MYO3B: variants seen among roughly 807,000 people sequenced by gnomAD.
MYO3B encodes the protein myosin-IIIb.
In MYO3B, 156 loss-of-function variants were observed where a neutral mutation model predicts 174.6. That is an observed-to-expected ratio of 0.89 (90% CI 0.78 to 1.02). The LOEUF is 1.02. Ranked by LOEUF, MYO3B falls within the 50% of genes least tolerant of loss-of-function variation. The pLI is 0.00. For synonymous variants in MYO3B, 563 were observed against 569.1 expected, an observed-to-expected ratio of 0.99 and a Z score of 0.15; for missense variants, 1,632 against 1,639.4, an observed-to-expected ratio of 1.00 and a Z score of 0.08.
chr2:170,487,349 G>T (rs1173255141), intron 25 of MYO3B, among the ~76,000 whole-genome samples: 6 of 152,036 alleles, frequency 3.9e-5, no homozygotes, highest in African/African-American at 1.4e-4. Context: ...GTTTATGTTT[G>T]TCTTCCCTAC....
At chr2:170,632,442 C>T (rs1161930924) in intron 32 of MYO3B, among the ~76,000 whole-genome samples, 1 of 151,992 alleles carries the variant, frequency 6.6e-6, no homozygotes, top group Non-Finnish European at 1.5e-5. Flanking sequence ...AGAACAAAGA[C>T]ACAACATACC....
intron 32 of MYO3B, among the ~76,000 whole-genome samples, chr2:170,625,888 T>A (rs886558393): frequency 1.3e-5 from 2 of 152,332 alleles, no homozygotes; most frequent in Admixed American, 1.3e-4. Context: ...TAATCCTGAG[T>A]TCTAGTTTGA....
chr2:170,556,566 AG>A (rs1386229113), intron 32 of MYO3B, among the ~76,000 whole-genome samples: 1 of 151,874 alleles, frequency 6.6e-6, no homozygotes, highest in Admixed American at 6.6e-5. Flanking sequence ...TTGTTGCCCA[AG>A]CTGGAGTACA....
At chr2:170,376,136 C>A (rs928056042) in intron 9 of MYO3B, among the ~76,000 whole-genome samples, 1 of 152,046 alleles carries the variant, frequency 6.6e-6, no homozygotes, top group African/African-American at 2.4e-5. Context: ...CCAAACAATT[C>A]TCCTATTTTA....
intron 28 of MYO3B, among the ~76,000 whole-genome samples, chr2:170,503,649 G>T (rs10198481): frequency 0.74 from 95,648 of 129,156 alleles, 32,858 homozygotes; most frequent in South Asian, 0.91. Flanking sequence ...TAAGGGTGCC[G>T]TCCTTTTTTT....
At chr2:170,536,351 TTGTG>T (rs1163729730) in intron 30 of MYO3B, among the ~76,000 whole-genome samples, 4 of 152,334 alleles carry the variant, frequency 2.6e-5, no homozygotes, top group African/African-American at 9.6e-5. Flanking sequence ...CTTAAAATAA[TTGTG>T]TGCTTTAGAG....
Position 170,252,985 on chromosome 2 carries a change from T to G in MYO3B, c.749+16849T>G, listed in dbSNP as rs745849684. ...AGCTGGGGACAGATCATGTAGTGCC[T>G]TATGAGTTATTGTAGTGATTTTGAA... On this transcript the variant is annotated intron_variant, in intron 7 of 34. Coordinates refer to ENST00000408978, the MANE Select transcript of MYO3B (RefSeq NM_138995.5). Among the ~76,000 whole-genome samples the G allele has an allele frequency of 2.6e-5, 4 of 152,296 alleles. No individual in the cohort carries two copies. In the East Asian group the frequency reaches 7.7e-4, roughly 29 times the overall value.
chr2:170,397,871 A>G (rs2094450083), intron 16 of MYO3B, among the ~76,000 whole-genome samples: 1 of 152,202 alleles, frequency 6.6e-6, no homozygotes, highest in South Asian at 2.1e-4. Flanking sequence ...ATAATTTGCT[A>G]GAATAGTTTC....
At chr2:170,196,629 AT>A (rs1421623633) in intron 1 of MYO3B, among the ~76,000 whole-genome samples, 2 of 152,062 alleles carry the variant, frequency 1.3e-5, no homozygotes, top group Non-Finnish European at 2.9e-5. Flanking sequence ...TTCTCTGTCC[AT>A]TTTTCTCTAA....
At chr2:170,260,043 G>A (rs978480628) in intron 7 of MYO3B, among the ~76,000 whole-genome samples, 1 of 151,978 alleles carries the variant, frequency 6.6e-6, no homozygotes, top group Non-Finnish European at 1.5e-5. Flanking sequence ...TAGTCAGAAT[G>A]GCTATTATTA....
Position 170,637,171 on chromosome 2 carries a change from G to GT in MYO3B, c.3734-14438dup, listed in dbSNP as rs33947498. On this transcript the variant is annotated intron_variant, in intron 32 of 34. Transcript: ENST00000408978. ...TCAGGTAGGTCACTCAGAGTGTAGG[G>GT]TTTTTTTTTTTTTTTTTTTAGATGG... Among the ~76,000 whole-genome samples the GT allele has an allele frequency of 9.7e-4, 121 of 125,264 alleles. 2 individuals are homozygous for GT. The East Asian group carries it at 0.013, about 14-fold the overall frequency. 82.2% of individuals were successfully genotyped at this position (125,264 alleles called of 152,430 possible). A position where few individuals can be genotyped will look rare whatever the true frequency, so the allele number is the denominator to read the frequency against.
chr2:170,549,666 T>A (rs886608664), intron 32 of MYO3B, among the ~76,000 whole-genome samples: 1 of 152,220 alleles, frequency 6.6e-6, no homozygotes, highest in Non-Finnish European at 1.5e-5. Flanking sequence ...ATCTCAACTT[T>A]CCTGTGACAG....
At chr2:170,439,765 C>T (rs1559002426) in intron 22 of MYO3B, among the ~76,000 whole-genome samples, 1 of 152,174 alleles carries the variant, frequency 6.6e-6, no homozygotes, top group Non-Finnish European at 1.5e-5. Context: ...ACTGCAAGCT[C>T]CACCTCCCAG....
chr2:170,467,366 T>A (rs913583776), intron 25 of MYO3B, among the ~76,000 whole-genome samples: 21 of 152,310 alleles, frequency 1.4e-4, no homozygotes, highest in Non-Finnish European at 2.2e-4. Flanking sequence ...TTCAGTGCAT[T>A]CAATCAATAT....
intron 23 of MYO3B, among the ~76,000 whole-genome samples, chr2:170,455,107 G>C (rs1575006032): frequency 6.6e-6 from 1 of 152,298 alleles, no homozygotes; most frequent in East Asian, 1.9e-4. Context: ...GAAAAATTTA[G>C]AATCTTGCAG....
intron 32 of MYO3B, among the ~76,000 whole-genome samples, chr2:170,589,139 A>G (rs1338472980): frequency 6.6e-6 from 1 of 152,198 alleles, no homozygotes; most frequent in Admixed American, 6.5e-5. Flanking sequence ...ATCCCCAAGA[A>G]AATTCAGGGT....
chr2:170,280,898 G>C (rs1333330520), intron 7 of MYO3B, among the ~76,000 whole-genome samples: 1 of 152,120 alleles, frequency 6.6e-6, no homozygotes, highest in Non-Finnish European at 1.5e-5. Flanking sequence ...ATAGTTTAAA[G>C]TTTAGTAATA....
At chr2:170,526,456 C>T (rs1294759629) in intron 30 of MYO3B, among the ~76,000 whole-genome samples, 5 of 152,172 alleles carry the variant, frequency 3.3e-5, no homozygotes, top group Admixed American at 3.3e-4. Context: ...TTGAGGTTTC[C>T]ATCACCTTAG....
chr2:170,559,209 G>A (rs901037670), intron 32 of MYO3B, among the ~76,000 whole-genome samples: 8 of 152,174 alleles, frequency 5.3e-5, no homozygotes, highest in Non-Finnish European at 7.3e-5. Flanking sequence ...AGAGTCAGTA[G>A]TACCTCTGGA....
Sources: allele counts gnomAD v4.1 joint callset (sites outside exome capture counted in the v4.1 genomes callset), GRCh38; gene constraint gnomAD v4.1.1; transcripts MANE v1.5; gene names NCBI Gene and HGNC (gene_info 2026-07-23, HGNC 2026-07-21).